Variants in CCDC14 observed in about 807,000 individuals in gnomAD.
CCDC14 encodes the protein coiled-coil domain containing 14, also known as coiled-coil domain-containing protein 14.
A neutral mutation model predicts 81.4 loss-of-function variants in CCDC14; 71 were observed. The ratio of observed to expected loss-of-function variants is 0.87; its 90% confidence interval spans 0.72 to 1.06. CCDC14 has a LOEUF of 1.06. CCDC14 is among the 50% of genes least tolerant of loss of function. The pLI is 0.00. For synonymous variants in CCDC14, 332 were observed against 364.8 expected, an observed-to-expected ratio of 0.91 and a Z score of 1.03; for missense variants, 1,046 against 1,047.3, an observed-to-expected ratio of 1.00 and a Z score of 0.02.
intron 5 of CCDC14, among the ~76,000 whole-genome samples, chr3:123,904,484 T>G (rs1229314755): frequency 6.6e-6 from 1 of 152,130 alleles, no homozygotes; most frequent in Non-Finnish European, 1.5e-5. Flanking sequence ...TAGAATTACT[T>G]GTGTATTTTT....
the CCDC14 span, among the ~76,000 whole-genome samples, chr3:123,890,425 A>G: frequency 6.6e-6 from 1 of 152,234 alleles, no homozygotes; most frequent in African/African-American, 2.4e-5. Flanking sequence ...ATAAACCTGT[A>G]AAATCAAAAG....
intron 10 of CCDC14, 65 bp from the exon 11 acceptor site, chr3:123,931,591 C>A (rs2035714635): frequency 1.3e-5 from 9 of 678,000 alleles, no homozygotes; most frequent in African/African-American, 6.3e-5. Context: ...TTGGAAAATA[C>A]CTGTTTCTTA....
At chr3:123,959,339 G>T (rs1375195402) in intron 1 of CCDC14, among the ~76,000 whole-genome samples, 1 of 152,122 alleles carries the variant, frequency 6.6e-6, no homozygotes, top group African/African-American at 2.4e-5. Context: ...CAGGGGTTAG[G>T]TGATAGCTCA....
intron 10 of CCDC14, 33 bp from the exon 11 acceptor site, chr3:123,931,559 C>A: frequency 1.6e-6 from 2 of 1,239,068 alleles, no homozygotes; most frequent in South Asian, 1.5e-5. Flanking sequence ...ATAGTTGTTT[C>A]CCAAACCTAA....
At chr3:123,907,997 G>C (rs1023461934) in intron 5 of CCDC14, among the ~76,000 whole-genome samples, 1 of 152,006 alleles carries the variant, frequency 6.6e-6, no homozygotes, top group Non-Finnish European at 1.5e-5. Context: ...TTAAGAACCA[G>C]TGTAAATTAT....
Position 123,946,908 on chromosome 3 carries a change from T to C in CCDC14, c.1096A>G (p.Thr366Ala), listed in dbSNP as rs781422389. ...TTTGCCTTCTGTACATCCTTCACTG[T>C]TTTTGTATCTCGCACATGTATGTTT... ...DLNIHVRDTK[T>A]VKDVQKAKNV... Residue 366 changes from threonine (T) to alanine (A), a missense_variant, in exon 8 of 13, where the codon ACA (threonine) becomes GCA (alanine). By Grantham distance (58) the Thr-to-Ala change is moderately conservative. Transcript: ENST00000409697. 3.1e-6 allele frequency: 5 copies of C among 1,613,834 alleles called. No individual in the cohort carries two copies. Among genetic ancestry groups the C allele is most frequent in the African/African-American group, 1.3e-5 (1 of 74,934 alleles).
chr3:123,961,201 C>T lies in CCDC14; in HGVS notation c.-28G>A. 1 of 1,551,592 alleles carries T rather than the reference C, an allele frequency of 6.4e-7. No individual in the cohort carries two copies. Among genetic ancestry groups the T allele is most frequent in the Non-Finnish European group, 8.7e-7 (1 of 1,146,988 alleles). On this transcript the variant is annotated 5_prime_UTR_variant, in exon 1 of 13. Transcript: ENST00000409697. The stretch of plus-strand genomic sequence containing the variant: ...CTCGCCGCCTCAGAGAAGCCCAGAC[C>T]GAGGGAAGTGAAGCCTCACGGTAAA...
At position 123,923,285 on chromosome 3, in the gene CCDC14, C is replaced by T. The variant is rs186758319; in HGVS notation, c.1779-7567G>A. On this transcript the variant is annotated intron_variant, in intron 12 of 12. Transcript: ENST00000409697. The stretch of plus-strand genomic sequence containing the variant: ...CGTATAGAAGGAATGTACCTTAACA[C>T]AACAAAGGCCATATATATGACAAAC... Among the ~76,000 whole-genome samples the T allele has an allele frequency of 4.0e-4, 61 of 152,014 alleles. No homozygotes were observed. In the South Asian group the frequency reaches 0.012, roughly 30 times the overall value.
chr3:123,928,937 G>A (rs973427293), intron 12 of CCDC14, among the ~76,000 whole-genome samples: 1 of 152,070 alleles, frequency 6.6e-6, no homozygotes, highest in African/African-American at 2.4e-5. Flanking sequence ...CTCCATAGAT[G>A]AGGACAAATA....
In CCDC14 at chr3:123,955,985, T is replaced by G; in HGVS notation, c.230-20A>C. ...CTGAACCTATTAATAAAACAAAAATTTGTTACATCAAAATAATGACTTGAG... is the reference window on the plus strand; with the variant it reads ...CTGAACCTATTAATAAAACAAAAATGTGTTACATCAAAATAATGACTTGAG... On this transcript the variant is annotated intron_variant, in intron 4 of 12. Transcript: ENST00000409697. 1.3e-6 allele frequency: 2 copies of G among 1,527,464 alleles called. No individual in the cohort carries two copies. Among genetic ancestry groups the G allele is most frequent in the Non-Finnish European group, 8.8e-7 (1 of 1,138,484 alleles). 94.6% of individuals were successfully genotyped at this position (1,527,464 alleles called of 1,614,324 possible).
downstream of CCDC14, among the ~76,000 whole-genome samples, chr3:123,892,854 G>A (rs1172815265): frequency 6.6e-6 from 1 of 152,004 alleles, no homozygotes; most frequent in African/African-American, 2.4e-5. Flanking sequence ...GCCCAGGCTG[G>A]AGTGCAATGG....
chr3:123,956,817 C>G (rs1474236696), intron 1 of CCDC14, 22 bp from the exon 2 acceptor site: 1 of 1,409,002 alleles, frequency 7.1e-7, no homozygotes. Flanking sequence ...TATATTATAG[C>G]AGATAAACAA....
chr3:123,898,171 G>A (rs1276307220), intron 5 of CCDC14, among the ~76,000 whole-genome samples: 1 of 152,184 alleles, frequency 6.6e-6, no homozygotes. Flanking sequence ...TTGCACAAGT[G>A]ACTTAATTTC....
chr3:123,893,802 G>T (rs1197543591), downstream of CCDC14, among the ~76,000 whole-genome samples: 1 of 151,950 alleles, frequency 6.6e-6, no homozygotes, highest in African/African-American at 2.4e-5. Context: ...ATTTTGATTT[G>T]CATTACCCTA....
In CCDC14 at chr3:123,914,526, C is replaced by T; in HGVS notation, c.*253G>A. The T allele has an allele frequency of 8.9e-7, 1 of 1,126,050 alleles. No individual in the cohort carries two copies. The highest frequency in any genetic ancestry group is 1.1e-6 in the Non-Finnish European group (1 of 919,672). 69.8% of individuals were successfully genotyped at this position (1,126,050 alleles called of 1,614,324 possible). The stretch of plus-strand genomic sequence containing the variant: ...ATAAAAGAACTCTAATTGCTAAGTA[C>T]TGAAATAAAACATTACTTACAATAA... On this transcript the variant is annotated 3_prime_UTR_variant, in exon 13 of 13. Transcript: ENST00000409697.
At chr3:123,955,566 A>G (rs1180502848) in intron 5 of CCDC14, 2 of 208,266 alleles carry the variant, frequency 9.6e-6, no homozygotes, top group Non-Finnish European at 1.9e-5. Context: ...GGGGAAACTA[A>G]GATCACTCTA....
chr3:123,888,654 G>A, the CCDC14 span, among the ~76,000 whole-genome samples: 1 of 152,200 alleles, frequency 6.6e-6, no homozygotes, highest in Admixed American at 6.5e-5. Flanking sequence ...GAAGGTGAAG[G>A]GGAACCAAGT....
chr3:123,885,443 A>G, the CCDC14 span, among the ~76,000 whole-genome samples: 6 of 149,516 alleles, frequency 4.0e-5, no homozygotes, highest in Non-Finnish European at 7.4e-5. Context: ...TTTTCTTGGT[A>G]TCTTCCAAGG....
rs548611865 is a variant in CCDC14 at position 123,923,126 on chromosome 3, G to A, written c.1779-7408C>T. 5.9e-5 allele frequency among the ~76,000 whole-genome samples: 9 copies of A among 152,170 alleles called. No individual in the cohort carries two copies. In the South Asian group the frequency reaches 6.2e-4, roughly 11 times the overall value. The stretch of plus-strand genomic sequence containing the variant: ...ATTTGAGATGCAAGGATGGTTCAAC[G>A]TATAAAACCGATGAATGTGATATAC... On this transcript the variant is annotated intron_variant, in intron 12 of 12. Transcript: ENST00000409697.
Sources: gnomAD v4.1 joint callset for allele counts (sites outside exome capture counted in the v4.1 genomes callset) on GRCh38, gnomAD v4.1.1 for gene constraint, MANE v1.5 for transcripts, NCBI Gene and HGNC (gene_info 2026-07-23, HGNC 2026-07-21) for gene names.